Variants in TNIK observed in about 807,000 individuals in gnomAD.
TNIK encodes the protein TRAF2 and NCK-interacting protein kinase.
A neutral mutation model predicts 191.3 loss-of-function variants in TNIK; 49 were observed. The observed-to-expected ratio is 0.26, with a 90% CI of 0.20 to 0.32. The LOEUF is 0.32. TNIK is among the 10% of genes least tolerant of loss of function. The pLI is 1.00. For synonymous variants in TNIK, 594 were observed against 600.9 expected (o/e 0.99, Z 0.17); for missense variants, 1,155 against 1,702.3 (o/e 0.68, Z 5.66).
At chr3:171,226,071 A>G (rs1017549690) in intron 3 of TNIK, among the ~76,000 whole-genome samples, 1 of 152,184 alleles carries the variant, frequency 6.6e-6, no homozygotes, top group Non-Finnish European at 1.5e-5. Context: ...AGAGACTGAT[A>G]GTATCTGATT....
chr3:171,145,779 CT>C (rs397875512), intron 12 of TNIK, among the ~76,000 whole-genome samples: 2,075 of 133,332 alleles, frequency 0.016, 20 homozygotes, highest in African/African-American at 0.028. Flanking sequence ...TCAGTCTTTC[CT>C]TTTTTTTTTT....
chr3:171,244,741 C>T (rs958608828), intron 2 of TNIK, among the ~76,000 whole-genome samples: 18 of 151,730 alleles, frequency 1.2e-4, no homozygotes, highest in African/African-American at 4.4e-4. Context: ...TTAATTGACA[C>T]ACCCATATTT....
chr3:171,330,601 G>A (rs888494264), intron 2 of TNIK, among the ~76,000 whole-genome samples: 5 of 152,186 alleles, frequency 3.3e-5, no homozygotes, highest in Admixed American at 2.0e-4. Flanking sequence ...ATTCTGCCTT[G>A]TAAGCTGGAG....
At chr3:171,399,770 T>A (rs1720689398) in intron 1 of TNIK, among the ~76,000 whole-genome samples, 1 of 152,168 alleles carries the variant, frequency 6.6e-6, no homozygotes, top group South Asian at 2.1e-4. Flanking sequence ...AATATACGTG[T>A]TTAGTGGCAT....
intron 2 of TNIK, among the ~76,000 whole-genome samples, chr3:171,347,385 T>A (rs1712396873): frequency 8.4e-6 from 1 of 118,760 alleles, no homozygotes; most frequent in Non-Finnish European, 1.8e-5. Context: ...AGCTGAGAAG[T>A]GCCTATCACA....
intron 2 of TNIK, among the ~76,000 whole-genome samples, chr3:171,361,483 G>A (rs536592958): frequency 5.9e-5 from 9 of 152,246 alleles, no homozygotes; most frequent in African/African-American, 1.9e-4. Context: ...ACAGATCATA[G>A]CACAAGGTGG....
intron 1 of TNIK, among the ~76,000 whole-genome samples, chr3:171,447,005 A>G (rs1402879031): frequency 6.6e-6 from 1 of 152,184 alleles, no homozygotes; most frequent in Non-Finnish European, 1.5e-5. Flanking sequence ...AGCCTGGCCA[A>G]CACAGTTAAA....
intron 2 of TNIK, among the ~76,000 whole-genome samples, chr3:171,327,898 CATA>C (rs1277284298): frequency 3.5e-5 from 1 of 28,632 alleles, no homozygotes; most frequent in Non-Finnish European, 6.4e-5. Context: ...AAACCTGGCT[CATA>C]AAAAAAAAAA....
At chr3:171,322,997 T>C (rs940595985) in intron 2 of TNIK, among the ~76,000 whole-genome samples, 9 of 152,160 alleles carry the variant, frequency 5.9e-5, no homozygotes, top group Non-Finnish European at 7.4e-5. Context: ...TTTCATGATA[T>C]GGGAAAGTTG....
intron 2 of TNIK, among the ~76,000 whole-genome samples, chr3:171,304,277 C>T (rs1197258066): frequency 3.9e-5 from 6 of 152,028 alleles, no homozygotes; most frequent in Admixed American, 3.9e-4. Flanking sequence ...GGGGCCATTC[C>T]ATCAGAGAAA....
At position 171,126,055 on chromosome 3, in the gene TNIK, C is replaced by T. The variant is rs371920444; in HGVS notation, c.1870G>A (p.Glu624Lys). The change falls in exon 17 of 33, where the codon GAG becomes AAG. Residue 624 changes from glutamate (E) to lysine (K), a missense_variant. Coordinates refer to ENST00000436636, the MANE Select transcript of TNIK (RefSeq NM_015028.4). ...QPTKGLSGFQ[E>K]ALNVTSHRVE... is the part of the protein sequence containing the mutation. Reference sequence around the variant, plus strand: ...CGGTGGGAGGTCACGTTCAGAGCCTCCTGAAACCCAGAGAGGCCCTTTGTG... The same window carrying T: ...CGGTGGGAGGTCACGTTCAGAGCCTTCTGAAACCCAGAGAGGCCCTTTGTG... 1 of 1,613,638 alleles carries T rather than the reference C, an allele frequency of 6.2e-7. No homozygotes were observed. The highest frequency in any genetic ancestry group is 8.5e-7 in the Non-Finnish European group (1 of 1,179,724).
In TNIK at chr3:171,146,911, A is replaced by AAAG. The variant is rs1553836476; in HGVS notation, c.1222-6405_1222-6403dup. Among the ~76,000 whole-genome samples, 101 of 149,900 alleles carry AAAG rather than the reference A, an allele frequency of 6.7e-4. 3 individuals are homozygous for AAAG. The highest frequency in any genetic ancestry group is 2.4e-3 in the African/African-American group (95 of 39,930). On this transcript the variant is annotated intron_variant, in intron 12 of 32. Coordinates refer to ENST00000436636, the MANE Select transcript of TNIK (RefSeq NM_015028.4). ...TTCATCTCAAAAAAAAAAAAAAAAA[A>AAAG]AAGTGACGAATGAGTGAATGTTGTT...
chr3:171,309,257 G>T (rs1253956051), intron 2 of TNIK, among the ~76,000 whole-genome samples: 1 of 152,086 alleles, frequency 6.6e-6, no homozygotes, highest in Non-Finnish European at 1.5e-5. Flanking sequence ...GCAGCAACAT[G>T]GATGGAGCTG....
chr3:171,309,832 A>G (rs1753831743), intron 2 of TNIK, among the ~76,000 whole-genome samples: 1 of 152,038 alleles, frequency 6.6e-6, no homozygotes, highest in South Asian at 2.1e-4. Context: ...TCCTTAAACT[A>G]TTTTTCTTGA....
At chr3:171,367,350 G>C (rs1715869404) in intron 2 of TNIK, among the ~76,000 whole-genome samples, 1 of 152,090 alleles carries the variant, frequency 6.6e-6, no homozygotes, top group Non-Finnish European at 1.5e-5. Flanking sequence ...AGGAAACACA[G>C]GGTCTGCTCA....
At chr3:171,396,937 T>C (rs564407944) in intron 1 of TNIK, among the ~76,000 whole-genome samples, 1 of 152,320 alleles carries the variant, frequency 6.6e-6, no homozygotes, top group East Asian at 1.9e-4. Context: ...GAAATATCAA[T>C]GCATTAGGTA....
At chr3:171,140,594 CCA>C (rs1346493083) in intron 12 of TNIK, 85 bp from the exon 13 acceptor site, 14 of 1,271,930 alleles carry the variant, frequency 1.1e-5, no homozygotes, top group Non-Finnish European at 1.4e-5. Flanking sequence ...CTGTTGAACC[CCA>C]GACATGAACT....
chr3:171,190,740 T>C lies in TNIK; in HGVS notation c.465A>G (p.Lys155=). Residue 155 remains lysine (K), a synonymous_variant, in exon 6 of 33, where the codon AAA becomes AAG. Coordinates refer to ENST00000436636, the MANE Select transcript of TNIK (RefSeq NM_015028.4). Reference sequence around the variant, plus strand: ...TTTCAGTCAGCAAGACATTTTGCCCTTTAATATCTCGATGAATCACTTTAT... The same window carrying C: ...TTTCAGTCAGCAAGACATTTTGCCCCTTAATATCTCGATGAATCACTTTAT... ...HQHKVIHRDI[K]GQNVLLTENA... is the part of the protein sequence containing the mutation. The C allele has an allele frequency of 1.3e-6, 2 of 1,597,780 alleles. No homozygotes were observed. The highest frequency in any genetic ancestry group is 1.7e-6 in the Non-Finnish European group (2 of 1,171,126).
intron 7 of TNIK, 127 bp downstream of exon 7, chr3:171,188,575 A>G (rs1737654845): frequency 8.2e-7 from 1 of 1,221,336 alleles, no homozygotes; most frequent in Non-Finnish European, 1.1e-6. Flanking sequence ...CAGGTCTTAA[A>G]CTCAAATAAT....
Sources: allele counts gnomAD v4.1 joint callset (sites outside exome capture counted in the v4.1 genomes callset), GRCh38; gene constraint gnomAD v4.1.1; transcripts MANE v1.5; gene names NCBI Gene and HGNC (gene_info 2026-07-23, HGNC 2026-07-21).